The following KRT39 variants were observed in gnomAD, a reference collection of about 807,000 sequenced individuals.
KRT39 encodes keratin 39, also known as keratin, type I cytoskeletal 39.
KRT39 carries 47 observed loss-of-function variants against 54.8 expected under a neutral mutation model. The observed-to-expected ratio is 0.86, with a 90% CI of 0.68 to 1.09. The LOEUF (loss-of-function observed/expected upper bound fraction) is 1.09. Among genes scored for constraint, KRT39 ranks in the 50% least tolerant of loss-of-function variants. KRT39 has a pLI of 0.00. For missense variants in KRT39, 580 were observed against 598.5 expected (o/e 0.97, Z 0.32); for synonymous variants, 207 against 227.9 (o/e 0.91, Z 0.83).
chr17:40,965,485 G>A (rs1221323611), intron 1 of KRT39, among the ~76,000 whole-genome samples: 4 of 152,192 alleles, frequency 2.6e-5, no homozygotes, highest in Non-Finnish European at 4.4e-5. Context: ...ACTTTTTAAA[G>A]GTCACCAATA....
chr17:40,966,415 T>C lies in KRT39; in HGVS notation c.442A>G (p.Thr148Ala). 1 of 1,613,516 alleles carries C rather than the reference T, an allele frequency of 6.2e-7. No individual in the cohort carries two copies. Among genetic ancestry groups the C allele is most frequent in the Non-Finnish European group, 8.5e-7 (1 of 1,179,458 alleles). Residue 148 changes from threonine (T) to alanine (A), a missense_variant, in exon 1 of 7, where the codon ACT becomes GCT. Physicochemically the swap from Thr to Ala is moderately conservative, Grantham distance 58. Transcript: ENST00000355612. ...VLCPDYLSYYTTIEELQQKIL... is the reference protein window; with the variant it reads ...VLCPDYLSYYATIEELQQKIL... The stretch of plus-strand genomic sequence containing the variant: ...TTCTGCTGGAGCTCCTCAATGGTAG[T>C]GTAGTAAGACAGGTAATCAGGACAT...
At chr17:40,964,033 C>T in intron 2 of KRT39, 1 of 431,010 alleles carries the variant, frequency 2.3e-6, no homozygotes, top group Non-Finnish European at 4.1e-6. Flanking sequence ...TCCTCTGCCC[C>T]TAGTGGCAAT....
intron 6 of KRT39, among the ~76,000 whole-genome samples, chr17:40,959,869 A>G (rs1391193180): frequency 6.6e-6 from 1 of 152,242 alleles, no homozygotes; most frequent in Non-Finnish European, 1.5e-5. Context: ...CCTGAGCAGA[A>G]TGTTCCTCCA....
chr17:40,964,935 G>A (rs187245280), intron 1 of KRT39, among the ~76,000 whole-genome samples: 4 of 150,686 alleles, frequency 2.7e-5, no homozygotes, highest in Non-Finnish European at 4.4e-5. Context: ...AGTGGCTCAC[G>A]CCTGTAATCC....
At position 40,966,553 on chromosome 17, in the gene KRT39, T is replaced by C. The variant is rs1030550089; in HGVS notation, c.304A>G (p.Ile102Val). ...TAGTTAGCAAGGCGCTCGTTCAAGA[T>C]TTGCATGGTCTCCTTCTCATTACTG... ...INSNEKETMQ[I>V]LNERLANYLQ... Residue 102 changes from isoleucine (I) to valine (V), a missense_variant, in exon 1 of 7, where the codon ATC (isoleucine) becomes GTC (valine). Transcript: ENST00000355612. 7 of 1,614,054 alleles carry C rather than the reference T, an allele frequency of 4.3e-6. No individual in the cohort carries two copies. In the African/African-American group the frequency reaches 9.3e-5, roughly 22 times the overall value.
Position 40,966,913 on chromosome 17 carries a change from A to C in KRT39, c.-57T>G. Reference sequence around the variant, plus strand: ...CTGTGGTCACCAGGATGAAAAGCTCAAGCCACCTCCACAGAGTCTGAATTC... The same window carrying C: ...CTGTGGTCACCAGGATGAAAAGCTCCAGCCACCTCCACAGAGTCTGAATTC... On this transcript the variant is annotated 5_prime_UTR_variant, in exon 1 of 7. Transcript: ENST00000355612. The C allele has an allele frequency of 1.6e-4, 203 of 1,250,882 alleles. No homozygotes were observed. The highest frequency in any genetic ancestry group is 2.2e-4 in the Non-Finnish European group (185 of 859,616). The allele number at this position is 1,250,882 out of a possible 1,614,324, so 77.5% of individuals were successfully genotyped here. A position where few individuals can be genotyped will look rare whatever the true frequency, so the allele number is the denominator to read the frequency against.
chr17:40,962,135 G>T, intron 5 of KRT39, 27 bp downstream of exon 5: 1 of 1,612,158 alleles, frequency 6.2e-7, no homozygotes, highest in Non-Finnish European at 8.5e-7. Context: ...TCTTTGCTGA[G>T]CTAGGCTTGG....
At chr17:40,962,863 G>A (rs1911212157) in intron 3 of KRT39, among the ~76,000 whole-genome samples, 1 of 152,182 alleles carries the variant, frequency 6.6e-6, no homozygotes, top group Non-Finnish European at 1.5e-5. Context: ...AGGTGGAATT[G>A]ATCATGAGAG....
intron 2 of KRT39, 110 bp from the exon 3 acceptor site, chr17:40,963,893 C>T: frequency 4.1e-6 from 3 of 731,448 alleles, no homozygotes; most frequent in Non-Finnish European, 6.6e-6. Context: ...TAGTGTATTT[C>T]TATTAGAAGT....
At chr17:40,966,057 T>G (rs7502176) in intron 1 of KRT39, among the ~76,000 whole-genome samples, 3,833 of 135,788 alleles carry the variant, frequency 0.028, 128 homozygotes, top group African/African-American at 0.096. Context: ...TAATTTTTTT[T>G]TGTGTGTGTA....
rs1350091615 is a variant in KRT39, at chr17:40,966,863, T to G, written c.-7A>C. The stretch of plus-strand genomic sequence containing the variant: ...TACAGCCCTTGGTGTCCATAGTATG[T>G]GTCTGGCTTTAGTTTGTTCCAGGTC... On this transcript the variant is annotated 5_prime_UTR_variant, in exon 1 of 7. Coordinates refer to ENST00000355612, the MANE Select transcript of KRT39 (RefSeq NM_213656.4). The G allele has an allele frequency of 6.4e-7, 1 of 1,571,580 alleles. No homozygotes were observed. Among genetic ancestry groups the G allele is most frequent in the Non-Finnish European group, 8.6e-7 (1 of 1,161,190 alleles).
At chr17:40,964,059 A>G (rs1182470123) in intron 2 of KRT39, 6 of 429,814 alleles carry the variant, frequency 1.4e-5, no homozygotes, top group Non-Finnish European at 2.5e-5. Context: ...GTAAGTGAAG[A>G]AAGCACTGGA....
In KRT39 at chr17:40,958,745, T is replaced by G. The variant is rs767919771; in HGVS notation, c.1332A>C (p.Leu444Phe). Reference sequence around the variant, plus strand: ...GTCCGCAGGCACTGCAGTGCTCCTTTAAGCTGCAGGGGGATGAGGATGTGC... The same window carrying G: ...GTCCGCAGGCACTGCAGTGCTCCTTGAAGCTGCAGGGGGATGAGGATGTGC... Reference protein sequence around the residue: ...PACTSSSPCSLKEHCSACGPL... With the variant: ...PACTSSSPCSFKEHCSACGPL... The change falls in exon 7 of 7, where the codon TTA (leucine) becomes TTC (phenylalanine). Residue 444 changes from leucine (L) to phenylalanine (F), a missense_variant. Transcript: ENST00000355612. The G allele has an allele frequency of 6.2e-7, 1 of 1,614,106 alleles. No individual in the cohort carries two copies. Among genetic ancestry groups the G allele is most frequent in the Non-Finnish European group, 8.5e-7 (1 of 1,180,002 alleles).
chr17:40,962,513 C>T lies in KRT39; in HGVS notation c.759G>A (p.Val253=), dbSNP rs1010389266. Residue 253 remains valine (V), a synonymous_variant, in exon 4 of 7, where the codon GTG becomes GTA. Coordinates refer to ENST00000355612, the MANE Select transcript of KRT39 (RefSeq NM_213656.4). ...TTAGGTCAGCAGAAGGGGCAGCAGT[C>T]ACTTCAATGTCAAGTCTCTCCCCAA... The part of the protein sequence containing the change: ...CQLGERLDIE[V]TAAPSADLNQ... 1 of 1,614,152 alleles carries T rather than the reference C, an allele frequency of 6.2e-7. No homozygotes were observed. Among genetic ancestry groups the T allele is most frequent in the African/African-American group, 1.3e-5 (1 of 75,020 alleles).
chr17:40,961,873 T>A (rs1911164265), intron 5 of KRT39, among the ~76,000 whole-genome samples: 1 of 152,158 alleles, frequency 6.6e-6, no homozygotes, highest in Admixed American at 6.5e-5. Context: ...AGTGGGGGGA[T>A]CCACAGTCAA....
Position 40,961,736 on chromosome 17 carries a change from T to C in KRT39, c.996+426A>G, listed in dbSNP as rs192472940. Among the ~76,000 whole-genome samples the C allele has an allele frequency of 3.1e-4, 47 of 152,024 alleles. No individual in the cohort carries two copies. In the East Asian group the frequency reaches 6.4e-3, roughly 21 times the overall value. On this transcript the variant is annotated intron_variant, in intron 5 of 6. Transcript: ENST00000355612. Reference sequence around the variant, plus strand: ...TCGTTAATAATTATGCCACCCCCCCTCTTAGGATTGCTTTATAAATCTCAT... The same window carrying C: ...TCGTTAATAATTATGCCACCCCCCCCCTTAGGATTGCTTTATAAATCTCAT...
intron 3 of KRT39, 100 bp downstream of exon 3, chr17:40,963,527 C>T: frequency 8.9e-7 from 1 of 1,126,394 alleles, no homozygotes; most frequent in South Asian, 1.9e-5. Flanking sequence ...TGAGAACGAA[C>T]TAATACAAGC....
At chr17:40,960,925 T>A (rs1436138466) in intron 5 of KRT39, among the ~76,000 whole-genome samples, 1 of 151,138 alleles carries the variant, frequency 6.6e-6, no homozygotes, top group Non-Finnish European at 1.5e-5. Context: ...AGGTCAGGAG[T>A]TCAAGACCAG....
chr17:40,960,521 T>G lies in KRT39; in HGVS notation c.997-20A>C. The G allele has an allele frequency of 6.3e-7, 1 of 1,589,016 alleles. No individual in the cohort carries two copies. The highest frequency in any genetic ancestry group is 1.3e-5 in the African/African-American group (1 of 74,532). On this transcript the variant is annotated intron_variant, in intron 5 of 6. Transcript: ENST00000355612. ...ATCTCTCTACCATGGAGAAGGATAG[T>G]AGGATTTATAATGACTCCTTTAAGC... is the stretch of plus-strand genomic sequence containing the variant.
Sources: gnomAD v4.1 joint callset for allele counts (sites outside exome capture counted in the v4.1 genomes callset) on GRCh38, gnomAD v4.1.1 for gene constraint, MANE v1.5 for transcripts, NCBI Gene and HGNC (gene_info 2026-07-23, HGNC 2026-07-21) for gene names.